Variants in SCOC observed in about 807,000 individuals in gnomAD.
SCOC encodes short coiled coil protein.
A neutral mutation model predicts 9.9 loss-of-function variants in SCOC; 7 were observed. The ratio of observed to expected loss-of-function variants is 0.71; its 90% confidence interval spans 0.40 to 1.33. SCOC has a LOEUF of 1.33. SCOC is among the 40% of genes most tolerant of loss of function. SCOC has a pLI of 0.01. For missense variants in SCOC, 66 were observed against 89.7 expected, an observed-to-expected ratio of 0.74 and a Z score of 1.07; for synonymous variants, 19 against 28.2, an observed-to-expected ratio of 0.67 and a Z score of 1.03.
At chr4:140,298,211 G>T (rs1731708102) in intron 1 of SCOC, among the ~76,000 whole-genome samples, 1 of 152,166 alleles carries the variant, frequency 6.6e-6, no homozygotes, top group Non-Finnish European at 1.5e-5. Flanking sequence ...AGTCGTCCCT[G>T]GTTCCTGACC....
chr4:140,348,074 C>T (rs140113401), intron 2 of SCOC, among the ~76,000 whole-genome samples: 62 of 152,040 alleles, frequency 4.1e-4, no homozygotes, highest in East Asian at 2.1e-3. Flanking sequence ...TGTAGTGGAA[C>T]GGCCACATAT....
At chr4:140,310,361 T>C (rs947231362) in intron 1 of SCOC, among the ~76,000 whole-genome samples, 1 of 152,210 alleles carries the variant, frequency 6.6e-6, no homozygotes, top group African/African-American at 2.4e-5. Flanking sequence ...TGGATAGCAC[T>C]CTTCTTAGGA....
intron 2 of SCOC, chr4:140,366,648 C>T (rs563870627): frequency 6.2e-7 from 1 of 1,603,922 alleles, no homozygotes; most frequent in Admixed American, 1.7e-5. Flanking sequence ...GTCTGACATA[C>T]TTCTGGTGGG....
At chr4:140,259,986 A>G (rs1045158745) in intron 1 of SCOC, among the ~76,000 whole-genome samples, 11 of 152,118 alleles carry the variant, frequency 7.2e-5, no homozygotes, top group South Asian at 2.1e-4. Flanking sequence ...ATCCTCCCCC[A>G]TTCCTTGAGG....
chr4:140,341,455 T>C (rs1726508669), upstream of SCOC, among the ~76,000 whole-genome samples: 1 of 152,218 alleles, frequency 6.6e-6, no homozygotes, highest in South Asian at 2.1e-4. Flanking sequence ...TTAAACTCTC[T>C]ACATGCCTCA....
At position 140,315,474 on chromosome 4, in the gene SCOC, A is replaced by G. The variant is rs1379079034; in HGVS notation, c.-18-28147A>G. Among the ~76,000 whole-genome samples the G allele has an allele frequency of 2.0e-5, 3 of 152,218 alleles. No homozygotes were observed. In the South Asian group the frequency reaches 6.2e-4, roughly 32 times the overall value. On this transcript the variant is annotated intron_variant, in intron 1 of 4. Coordinates refer to the SCOC transcript ENST00000394205. ...GAATTGGGGTTCAAATTTGGTTTTA[A>G]CTGTAGAGCTTGAATTCTTAACCAG...
intron 1 of SCOC, among the ~76,000 whole-genome samples, chr4:140,311,627 G>C (rs1164669114): frequency 6.6e-6 from 1 of 152,170 alleles, no homozygotes; most frequent in African/African-American, 2.4e-5. Context: ...CTGGATGTGT[G>C]TTGATATCAG....
intron 1 of SCOC, among the ~76,000 whole-genome samples, chr4:140,272,866 A>G (rs1730880261): frequency 6.6e-6 from 1 of 152,234 alleles, no homozygotes; most frequent in Admixed American, 6.5e-5. Context: ...AACTAAAATT[A>G]TAAGTTGAAT....
chr4:140,326,431 A>G (rs1387428309), intron 1 of SCOC, among the ~76,000 whole-genome samples: 1 of 152,256 alleles, frequency 6.6e-6, no homozygotes, highest in East Asian at 1.9e-4. Flanking sequence ...TAAAGGTGCC[A>G]GAGAGTTAAA....
chr4:140,372,278 A>G (rs1024990054), upstream of SCOC, among the ~76,000 whole-genome samples: 10 of 152,252 alleles, frequency 6.6e-5, no homozygotes, highest in African/African-American at 2.2e-4. Context: ...ATATTTCACT[A>G]CAATTAAAAA....
chr4:140,275,800 C>T (rs1466874333), intron 1 of SCOC, among the ~76,000 whole-genome samples: 1 of 150,964 alleles, frequency 6.6e-6, no homozygotes, highest in Non-Finnish European at 1.5e-5. Flanking sequence ...TCTCAGTTTC[C>T]CCTGAACTCG....
chr4:140,357,861 A>G (rs1309857790), intron 2 of SCOC, among the ~76,000 whole-genome samples: 1 of 22,808 alleles, frequency 4.4e-5, no homozygotes, highest in Non-Finnish European at 9.3e-5. Flanking sequence ...GTTATACCCC[A>G]CATCTTCTCT....
At chr4:140,303,526 CTA>C (rs776252074) in intron 1 of SCOC, among the ~76,000 whole-genome samples, 1 of 152,186 alleles carries the variant, frequency 6.6e-6, no homozygotes, top group African/African-American at 2.4e-5. Flanking sequence ...GGATCCTGAT[CTA>C]TCTCTTTCCT....
At chr4:140,323,313 A>G (rs11940294) in intron 1 of SCOC, among the ~76,000 whole-genome samples, 38,194 of 151,892 alleles carry the variant, frequency 0.25, 6,765 homozygotes, top group East Asian at 0.49. Context: ...ATGAGTAAAA[A>G]CTTCCTCACC....
intron 1 of SCOC, among the ~76,000 whole-genome samples, chr4:140,311,919 C>T (rs1732167722): frequency 6.6e-6 from 1 of 152,100 alleles, no homozygotes; most frequent in Non-Finnish European, 1.5e-5. Flanking sequence ...TAAAAATTTT[C>T]CTTGAGGATG....
intron 1 of SCOC, among the ~76,000 whole-genome samples, chr4:140,264,804 G>A (rs1356817840): frequency 6.6e-6 from 1 of 152,154 alleles, no homozygotes; most frequent in Non-Finnish European, 1.5e-5. Flanking sequence ...CACATACACT[G>A]AATTTTGAAT....
At chr4:140,306,834 T>G (rs1732004909) in intron 1 of SCOC, among the ~76,000 whole-genome samples, 1 of 152,196 alleles carries the variant, frequency 6.6e-6, no homozygotes, top group Non-Finnish European at 1.5e-5. Context: ...TGTAGATGAT[T>G]CTCAAAGAGA....
intron 1 of SCOC, among the ~76,000 whole-genome samples, chr4:140,288,347 A>AAT (rs1731360261): frequency 6.6e-6 from 1 of 152,008 alleles, no homozygotes; most frequent in Non-Finnish European, 1.5e-5. Context: ...ATGTCACACA[A>AAT]ATATATATAC....
At chr4:140,347,846 C>A (rs1034741195) in intron 2 of SCOC, among the ~76,000 whole-genome samples, 4 of 152,104 alleles carry the variant, frequency 2.6e-5, no homozygotes, top group African/African-American at 9.7e-5. Flanking sequence ...ATTACTCTTA[C>A]TATGGTTTAT....
Sources: allele counts gnomAD v4.1 joint callset (sites outside exome capture counted in the v4.1 genomes callset), GRCh38; gene constraint gnomAD v4.1.1; transcripts MANE v1.5; gene names NCBI Gene and HGNC (gene_info 2026-07-23, HGNC 2026-07-21).